PRELID2: variants seen among roughly 807,000 people sequenced by gnomAD.
PRELID2 encodes PRELI domain containing 2, also known as PRELI domain-containing protein 2.
A neutral mutation model predicts 28.4 loss-of-function variants in PRELID2; 25 were observed. The ratio of observed to expected loss-of-function variants is 0.88; its 90% CI spans 0.64 to 1.23. The LOEUF (loss-of-function observed/expected upper bound fraction) is 1.23, where lower values mean the gene tolerates loss of function less well. PRELID2 is among the 50% of genes most tolerant of loss of function. The pLI is 0.00. For synonymous variants in PRELID2, 76 were observed against 71.6 expected (o/e 1.06, Z -0.31); for missense variants, 201 against 214.4 (o/e 0.94, Z 0.39).
chr5:145,566,100 A>G (rs1407901922), intron 1 of PRELID2, among the ~76,000 whole-genome samples: 1 of 152,064 alleles, frequency 6.6e-6, no homozygotes, highest in East Asian at 1.9e-4. Context: ...ATAATAATGG[A>G]CTTCTGCTAT....
At chr5:145,467,040 T>G (rs1241338516), downstream of PRELID2, among the ~76,000 whole-genome samples, 1 of 152,164 alleles carries the variant, frequency 6.6e-6, no homozygotes, top group Non-Finnish European at 1.5e-5. Flanking sequence ...GACCCTTTGA[T>G]GATATTATAA....
chr5:145,391,361 T>C, the PRELID2 span, among the ~76,000 whole-genome samples: 685 of 152,336 alleles, frequency 4.5e-3, 2 homozygotes, highest in African/African-American at 0.016. Flanking sequence ...TTGCACCCTC[T>C]GAAGCAATGG....
intron 1 of PRELID2, among the ~76,000 whole-genome samples, chr5:145,508,765 G>A (rs1240927862): frequency 6.6e-6 from 1 of 152,044 alleles, no homozygotes; most frequent in Non-Finnish European, 1.5e-5. Flanking sequence ...ATGATGCAAG[G>A]CAAAGGAGAA....
chr5:145,296,315 A>ATATC, the PRELID2 span, among the ~76,000 whole-genome samples: 1 of 150,110 alleles, frequency 6.7e-6, no homozygotes, highest in African/African-American at 2.4e-5. Flanking sequence ...AGCATTAGGT[A>ATATC]TATCTCCTAA....
chr5:145,769,458 A>G (rs1757970612), intron 5 of PRELID2, among the ~76,000 whole-genome samples: 1 of 152,228 alleles, frequency 6.6e-6, no homozygotes, highest in Admixed American at 6.5e-5. Context: ...GAGGAGCAGG[A>G]ATAAGTTGAA....
chr5:145,444,705 C>A, the PRELID2 span, among the ~76,000 whole-genome samples: 2 of 151,942 alleles, frequency 1.3e-5, no homozygotes, highest in Non-Finnish European at 2.9e-5. Flanking sequence ...TATACAGCTA[C>A]ACAATGAGAG....
At chr5:145,532,074 T>A (rs756518686) in intron 1 of PRELID2, among the ~76,000 whole-genome samples, 3 of 152,140 alleles carry the variant, frequency 2.0e-5, no homozygotes, top group Non-Finnish European at 4.4e-5. Context: ...AAATGTCCGT[T>A]GGCATGATTA....
intron 1 of PRELID2, among the ~76,000 whole-genome samples, chr5:145,497,033 T>C (rs1408637479): frequency 6.6e-6 from 1 of 151,956 alleles, no homozygotes; most frequent in African/African-American, 2.4e-5. Flanking sequence ...CAGTTATTTG[T>C]TTTTAATTTT....
rs531478909 is a variant in PRELID2, at chr5:145,617,136, T to C, written n.71-143821A>G. ...TGAACATTGCTGTTATCCTGTTCTT[T>C]TTTCAAAGTGCCCAGATTTCATATT... On this transcript the variant is annotated intron_variant and non_coding_transcript_variant, in intron 1 of 2. Transcript: ENST00000510259. Among the ~76,000 whole-genome samples, 167 of 152,324 alleles carry C rather than the reference T, an allele frequency of 1.1e-3. 1 individual carries two copies. The highest frequency in any genetic ancestry group is 2.1e-3 in the Non-Finnish European group (145 of 68,036).
At chr5:145,473,729 G>A (rs1752075400) in intron 1 of PRELID2, among the ~76,000 whole-genome samples, 1 of 152,136 alleles carries the variant, frequency 6.6e-6, no homozygotes, top group South Asian at 2.1e-4. Context: ...CTTAAATTAA[G>A]AGGAACTAGT....
the PRELID2 span, among the ~76,000 whole-genome samples, chr5:145,359,334 C>T: frequency 6.6e-6 from 1 of 152,144 alleles, no homozygotes; most frequent in African/African-American, 2.4e-5. Flanking sequence ...ATCACAGCTG[C>T]CCAATAAGAC....
intron 1 of PRELID2, among the ~76,000 whole-genome samples, chr5:145,543,732 T>C (rs192341172): frequency 6.6e-5 from 10 of 152,188 alleles, no homozygotes; most frequent in Non-Finnish European, 8.8e-5. Flanking sequence ...ATTGGCATTT[T>C]TTTCCCCCTC....
intron 1 of PRELID2, among the ~76,000 whole-genome samples, chr5:145,578,490 T>C (rs1447767153): frequency 6.6e-6 from 1 of 152,008 alleles, no homozygotes; most frequent in Non-Finnish European, 1.5e-5. Flanking sequence ...TGGAGAACCA[T>C]CACAGTCTGT....
chr5:145,797,603 A>T (rs574777781), intron 4 of PRELID2, among the ~76,000 whole-genome samples: 1 of 152,136 alleles, frequency 6.6e-6, no homozygotes, highest in Non-Finnish European at 1.5e-5. Context: ...ACAAAAGATC[A>T]TGGGCTCTTG....
At chr5:145,598,591 CCAAA>C (rs1219423943) in intron 1 of PRELID2, among the ~76,000 whole-genome samples, 3 of 152,100 alleles carry the variant, frequency 2.0e-5, no homozygotes, top group Admixed American at 2.0e-4. Context: ...ATTCAATTCA[CCAAA>C]CACTCATTCA....
chr5:145,471,110 C>T (rs919994520), downstream of PRELID2, among the ~76,000 whole-genome samples: 1 of 152,078 alleles, frequency 6.6e-6, no homozygotes, highest in Admixed American at 6.6e-5. Context: ...GGATAAAACA[C>T]CTTAGAATTA....
chr5:145,575,166 A>G (rs931961391), intron 1 of PRELID2, among the ~76,000 whole-genome samples: 10 of 152,140 alleles, frequency 6.6e-5, no homozygotes, highest in Non-Finnish European at 1.5e-4. Flanking sequence ...CGCTTCTTCT[A>G]TAATTCCAGA....
At chr5:145,684,461 C>T (rs1754997590) in intron 1 of PRELID2, among the ~76,000 whole-genome samples, 2 of 152,206 alleles carry the variant, frequency 1.3e-5, no homozygotes, top group Non-Finnish European at 2.9e-5. Flanking sequence ...TAAAACCTAT[C>T]ACTCTCTTCT....
At chr5:145,661,992 T>C (rs999848143) in intron 1 of PRELID2, among the ~76,000 whole-genome samples, 40 of 152,040 alleles carry the variant, frequency 2.6e-4, no homozygotes, top group Admixed American at 3.9e-4. Flanking sequence ...CTACATAGTT[T>C]TGTCAAGAAA....
Sources: gnomAD v4.1 joint callset for allele counts (sites outside exome capture counted in the v4.1 genomes callset) on GRCh38, gnomAD v4.1.1 for gene constraint, MANE v1.5 for transcripts, NCBI Gene and HGNC (gene_info 2026-07-23, HGNC 2026-07-21) for gene names.